TRMT9B: variants seen among roughly 807,000 people sequenced by gnomAD.
The protein encoded by TRMT9B is tRNA methyltransferase 9B (putative).
Under a neutral mutation model 11.5 loss-of-function variants are expected in TRMT9B, and 16 were observed. The observed-to-expected ratio is 1.39, with a 90% CI of 0.94 to 2.11. TRMT9B has a LOEUF of 2.11. Ranked by LOEUF, TRMT9B falls within the 30% of genes most tolerant of loss-of-function variation. TRMT9B has a pLI of 0.00. For missense variants in TRMT9B, 941 were observed against 553.8 expected (o/e 1.70, Z -7.02); for synonymous variants, 274 against 192.4 (o/e 1.42, Z -3.51).
rs527341063 is a variant in TRMT9B, at chr8:13,029,004, C to A, written c.*6960C>A. Reference sequence around the variant, plus strand: ...ATGTATGTGCAAACTGTCCTATTTTCTTTATATGCTCTCTTAAATATGTAT... The same window carrying A: ...ATGTATGTGCAAACTGTCCTATTTTATTTATATGCTCTCTTAAATATGTAT... On this transcript the variant is annotated 3_prime_UTR_variant, in exon 5 of 5. Transcript: ENST00000524591. 3 of 166,798 alleles carry A rather than the reference C, an allele frequency of 1.8e-5. No individual in the cohort carries two copies. In the South Asian group the frequency reaches 6.2e-4, roughly 35 times the overall value. 10.3% of individuals were successfully genotyped at this position (166,798 alleles called of 1,614,324 possible).
intron 1 of TRMT9B, among the ~76,000 whole-genome samples, chr8:12,989,077 A>C (rs1806849125): frequency 6.6e-6 from 1 of 151,322 alleles, no homozygotes; most frequent in Non-Finnish European, 1.5e-5. Flanking sequence ...TTAATACAGA[A>C]ATTTTTTTTT....
intron 3 of TRMT9B, chr8:13,006,912 A>T (rs1206534216): frequency 6.3e-6 from 1 of 159,458 alleles, no homozygotes; most frequent in Non-Finnish European, 1.4e-5. Context: ...CAGATGATCC[A>T]TCTGTCTCGG....
chr8:12,971,708 A>T (rs144125771), intron 1 of TRMT9B, among the ~76,000 whole-genome samples: 2,759 of 152,334 alleles, frequency 0.018, 82 homozygotes, highest in African/African-American at 0.062. Flanking sequence ...ATTGCTAAAA[A>T]TTTCAGAAAA....
intron 3 of TRMT9B, among the ~76,000 whole-genome samples, chr8:13,008,731 T>G (rs368059881): frequency 6.7e-6 from 1 of 150,256 alleles, no homozygotes; most frequent in African/African-American, 2.5e-5. Flanking sequence ...ATCTAGATAA[T>G]TTTTTTTTCT....
intron 2 of TRMT9B, among the ~76,000 whole-genome samples, chr8:13,000,439 C>T (rs981015318): frequency 2.0e-5 from 3 of 152,162 alleles, no homozygotes; most frequent in African/African-American, 7.2e-5. Context: ...ACTTTCTGTC[C>T]TCTCTTCCAT....
rs193163574 is a variant in TRMT9B at position 12,980,393 on chromosome 8, C to G, written c.-199-10441C>G. 1.4e-3 allele frequency among the ~76,000 whole-genome samples: 196 copies of G among 140,696 alleles called. 1 individual carries two copies. Among genetic ancestry groups the G allele is most frequent in the African/African-American group, 4.8e-3 (189 of 39,186 alleles). The allele number at this position is 140,696 out of a possible 152,430, so 92.3% of individuals were successfully genotyped here. A position where few individuals can be genotyped will look rare whatever the true frequency, so the allele number is the denominator to read the frequency against. ...CTCGCCTTGAAATCTTTAATTACAT[C>G]TATAAACCCTTTTTTCCAAATAAGG... On this transcript the variant is annotated intron_variant, in intron 1 of 4. Transcript: ENST00000524591.
At chr8:12,956,572 C>T (rs756238221) in intron 1 of TRMT9B, among the ~76,000 whole-genome samples, 1 of 152,188 alleles carries the variant, frequency 6.6e-6, no homozygotes, top group Non-Finnish European at 1.5e-5. Flanking sequence ...TTTTCCTTCT[C>T]AAAGCCGCAG....
chr8:12,961,427 C>T (rs924640203), intron 1 of TRMT9B, among the ~76,000 whole-genome samples: 5 of 151,942 alleles, frequency 3.3e-5, no homozygotes, highest in Admixed American at 2.0e-4. Context: ...TTCGGCCGGG[C>T]GCGGTGGCTC....
intron 1 of TRMT9B, among the ~76,000 whole-genome samples, chr8:12,964,452 A>G (rs1045809930): frequency 1.3e-5 from 2 of 152,244 alleles, no homozygotes; most frequent in African/African-American, 4.8e-5. Context: ...ATTTGGAGCC[A>G]GAGTTCCGTA....
In TRMT9B at chr8:12,955,785, A is replaced by T. The variant is rs148760985; in HGVS notation, c.-200+9819A>T. On this transcript the variant is annotated intron_variant, in intron 1 of 4. Coordinates refer to ENST00000524591, the MANE Select transcript of TRMT9B (RefSeq NM_020844.3). ...AGATGCTCACAGGAAGGTTGGAATG[A>T]AGGTTGCAACTGAAAGTAGGGGAGG... is the stretch of plus-strand genomic sequence containing the variant. Among the ~76,000 whole-genome samples the T allele has an allele frequency of 1.6e-3, 249 of 152,274 alleles. 2 individuals are homozygous for T. Among genetic ancestry groups the T allele is most frequent in the African/African-American group, 5.8e-3 (239 of 41,560 alleles).
intron 2 of TRMT9B, 62 bp from the exon 3 acceptor site, chr8:13,006,140 C>T (rs1036623850): frequency 3.8e-5 from 58 of 1,517,930 alleles, no homozygotes; most frequent in Admixed American, 2.0e-4. Flanking sequence ...CTGCATCCTC[C>T]TTCAGCCATC....
chr8:12,984,045 C>T (rs1260079914), intron 1 of TRMT9B, among the ~76,000 whole-genome samples: 1 of 152,190 alleles, frequency 6.6e-6, no homozygotes, highest in Admixed American at 6.5e-5. Context: ...GGTCACACAA[C>T]CGCAGATTGT....
At chr8:12,979,711 A>C (rs1197245313) in intron 1 of TRMT9B, among the ~76,000 whole-genome samples, 1 of 152,160 alleles carries the variant, frequency 6.6e-6, no homozygotes, top group African/African-American at 2.4e-5. Flanking sequence ...TTCTGGACTT[A>C]ATGATGTTTT....
intron 2 of TRMT9B, among the ~76,000 whole-genome samples, chr8:12,995,107 C>T (rs964908588): frequency 6.6e-6 from 1 of 152,174 alleles, no homozygotes; most frequent in African/African-American, 2.4e-5. Context: ...TGAAAATTTC[C>T]CTTTTTAATA....
chr8:12,962,539 G>A (rs1210193518), intron 1 of TRMT9B, among the ~76,000 whole-genome samples: 1 of 152,050 alleles, frequency 6.6e-6, no homozygotes, highest in Non-Finnish European at 1.5e-5. Flanking sequence ...CACCCAGGCT[G>A]GAGTGCAGTG....
intron 1 of TRMT9B, among the ~76,000 whole-genome samples, chr8:12,974,218 C>T (rs947019680): frequency 6.6e-6 from 1 of 151,836 alleles, no homozygotes; most frequent in Non-Finnish European, 1.5e-5. Context: ...CCTCTCCTTG[C>T]CGGCTCCCTT....
chr8:12,982,922 C>A (rs978570010), intron 1 of TRMT9B, among the ~76,000 whole-genome samples: 1 of 152,182 alleles, frequency 6.6e-6, no homozygotes, highest in African/African-American at 2.4e-5. Flanking sequence ...TCTATGTTTT[C>A]CTCGCATGCC....
chr8:13,002,598 T>G (rs1809652517), intron 2 of TRMT9B, among the ~76,000 whole-genome samples: 1 of 152,198 alleles, frequency 6.6e-6, no homozygotes, highest in Non-Finnish European at 1.5e-5. Context: ...TCATACTGAT[T>G]AAAGACAACC....
At chr8:12,955,842 C>G in intron 1 of TRMT9B, among the ~76,000 whole-genome samples, 1 of 152,060 alleles carries the variant, frequency 6.6e-6, no homozygotes, top group East Asian at 1.9e-4. Context: ...CGTTGGCTCC[C>G]GGGCGGCAAG....
Sources: gnomAD v4.1 joint callset for allele counts (sites outside exome capture counted in the v4.1 genomes callset) on GRCh38, gnomAD v4.1.1 for gene constraint, MANE v1.5 for transcripts, NCBI Gene and HGNC (gene_info 2026-07-23, HGNC 2026-07-21) for gene names.